Variants in TMCC1 observed in about 807,000 individuals in gnomAD.
The protein encoded by TMCC1 is transmembrane and coiled-coil domains protein 1.
A neutral mutation model predicts 52.4 loss-of-function variants in TMCC1; 15 were observed. That is an observed-to-expected ratio of 0.29 (90% confidence interval 0.19 to 0.44). The LOEUF is 0.44. Among genes scored for constraint, TMCC1 ranks in the 20% least tolerant of loss-of-function variants. The pLI is 1.00. For synonymous variants in TMCC1, 279 were observed against 301.9 expected, an observed-to-expected ratio of 0.92 and a Z score of 0.79; for missense variants, 503 against 806.0, an observed-to-expected ratio of 0.62 and a Z score of 4.55.
At chr3:129,763,803 G>A (rs910419519) in intron 4 of TMCC1, among the ~76,000 whole-genome samples, 1 of 150,932 alleles carries the variant, frequency 6.6e-6, no homozygotes, top group Admixed American at 6.6e-5. Flanking sequence ...TCCAGCCTGG[G>A]AGACAGAGTG....
chr3:129,786,279 C>CA (rs144486685), intron 4 of TMCC1, among the ~76,000 whole-genome samples: 1,860 of 152,232 alleles, frequency 0.012, 28 homozygotes, highest in African/African-American at 0.043. Flanking sequence ...CTAAACATGG[C>CA]ATGCCTTTCC....
chr3:129,664,484 C>T (rs2087293445), intron 5 of TMCC1, among the ~76,000 whole-genome samples: 1 of 152,146 alleles, frequency 6.6e-6, no homozygotes, highest in Admixed American at 6.6e-5. Context: ...TATTTTTGCT[C>T]TTATGACTCA....
rs146693269 is a variant in TMCC1, at chr3:129,652,153, T to C, written c.1648-358A>G. Among the ~76,000 whole-genome samples the C allele has an allele frequency of 2.4e-3, 369 of 152,370 alleles. 3 individuals are homozygous for C. Among genetic ancestry groups the C allele is most frequent in the African/African-American group, 8.2e-3 (340 of 41,598 alleles). On this transcript the variant is annotated intron_variant, in intron 6 of 6. Coordinates refer to ENST00000393238, the MANE Select transcript of TMCC1 (RefSeq NM_001017395.5). ...TTTGTTCAACATAAAAAATTTCAAATAGGATAGTCTCTCTTGACATTTCCT... is the reference window on the plus strand; with the variant it reads ...TTTGTTCAACATAAAAAATTTCAAACAGGATAGTCTCTCTTGACATTTCCT...
At chr3:129,721,930 T>C (rs1301637576) in intron 4 of TMCC1, among the ~76,000 whole-genome samples, 2 of 152,202 alleles carry the variant, frequency 1.3e-5, no homozygotes, top group East Asian at 1.9e-4. Flanking sequence ...AAGGAGGTCA[T>C]ATATGAAACC....
intron 5 of TMCC1, among the ~76,000 whole-genome samples, chr3:129,665,419 T>C (rs2087371945): frequency 6.6e-6 from 1 of 152,194 alleles, no homozygotes; most frequent in Non-Finnish European, 1.5e-5. Flanking sequence ...GCGAAGGACA[T>C]TATTGAGAAG....
chr3:129,745,832 C>T (rs1442792665), intron 4 of TMCC1, among the ~76,000 whole-genome samples: 2 of 151,832 alleles, frequency 1.3e-5, no homozygotes, highest in Non-Finnish European at 2.9e-5. Flanking sequence ...AGTGTGGTGG[C>T]ACCTGCATAT....
chr3:129,792,379 G>C (rs1193648922), intron 4 of TMCC1, among the ~76,000 whole-genome samples: 1 of 151,630 alleles, frequency 6.6e-6, no homozygotes, highest in African/African-American at 2.4e-5. Context: ...ACGGAGTCTC[G>C]CTCTGTCACC....
chr3:129,737,801 C>G (rs1560301179), intron 4 of TMCC1, among the ~76,000 whole-genome samples: 1 of 152,098 alleles, frequency 6.6e-6, no homozygotes, highest in Admixed American at 6.6e-5. Flanking sequence ...ACTAAATTTA[C>G]CATAATTTCT....
chr3:129,690,336 A>T (rs1357197903), intron 4 of TMCC1, among the ~76,000 whole-genome samples: 1 of 152,086 alleles, frequency 6.6e-6, no homozygotes, highest in African/African-American at 2.4e-5. Flanking sequence ...TCTAAAATAA[A>T]ATCTAGTAAG....
At chr3:129,892,224 ACT>A (rs1355603982) in intron 1 of TMCC1, among the ~76,000 whole-genome samples, 1 of 152,102 alleles carries the variant, frequency 6.6e-6, no homozygotes, top group Non-Finnish European at 1.5e-5. Context: ...GCAGCTCAAA[ACT>A]CTTCAGAAAT....
chr3:129,874,080 T>C (rs2061066308), intron 2 of TMCC1, among the ~76,000 whole-genome samples: 2 of 151,766 alleles, frequency 1.3e-5, no homozygotes, highest in Admixed American at 6.6e-5. Context: ...CAAAAAGAGG[T>C]AAAAATGGTT....
At chr3:129,825,127 C>T (rs557860856) in intron 4 of TMCC1, among the ~76,000 whole-genome samples, 3 of 152,352 alleles carry the variant, frequency 2.0e-5, no homozygotes, top group East Asian at 3.9e-4. Context: ...TCACCTAGGG[C>T]ACCACCTGGT....
intron 4 of TMCC1, among the ~76,000 whole-genome samples, chr3:129,781,874 G>C (rs1466934290): frequency 6.6e-6 from 1 of 152,128 alleles, no homozygotes; most frequent in Admixed American, 6.5e-5. Flanking sequence ...AAAAAAGATG[G>C]TAGCAGAGAT....
At chr3:129,816,207 A>G (rs1191636866) in intron 4 of TMCC1, among the ~76,000 whole-genome samples, 1 of 152,190 alleles carries the variant, frequency 6.6e-6, no homozygotes, top group East Asian at 1.9e-4. Flanking sequence ...GAACTACCAT[A>G]TGACCCAGGA....
At chr3:129,832,588 T>A (rs2058969713) in intron 3 of TMCC1, among the ~76,000 whole-genome samples, 186 bp downstream of exon 3, 1 of 152,268 alleles carries the variant, frequency 6.6e-6, no homozygotes, top group South Asian at 2.1e-4. Flanking sequence ...TTTTAAAATC[T>A]ATCAACCATT....
At chr3:129,839,824 A>T (rs1577047181) in intron 2 of TMCC1, among the ~76,000 whole-genome samples, 1 of 152,064 alleles carries the variant, frequency 6.6e-6, no homozygotes, top group East Asian at 1.9e-4. Flanking sequence ...GGTCCAGGCT[A>T]CAGTGAACCA....
intron 1 of TMCC1, among the ~76,000 whole-genome samples, chr3:129,885,037 G>C (rs898096602): frequency 6.6e-6 from 1 of 152,028 alleles, no homozygotes; most frequent in Non-Finnish European, 1.5e-5. Flanking sequence ...TACTCGGGGA[G>C]CTGAGGCAGG....
At chr3:129,806,816 C>A (rs2057492212) in intron 4 of TMCC1, among the ~76,000 whole-genome samples, 1 of 151,528 alleles carries the variant, frequency 6.6e-6, no homozygotes, top group African/African-American at 2.4e-5. Context: ...AAACATAATA[C>A]CAGAAATAAA....
intron 2 of TMCC1, among the ~76,000 whole-genome samples, chr3:129,861,431 T>C (rs2060392338): frequency 6.6e-6 from 1 of 152,102 alleles, no homozygotes; most frequent in South Asian, 2.1e-4. Flanking sequence ...AGAGCAAGAC[T>C]CCATCTCAAA....
Sources: gnomAD v4.1 joint callset for allele counts (sites outside exome capture counted in the v4.1 genomes callset) on GRCh38, gnomAD v4.1.1 for gene constraint, MANE v1.5 for transcripts, NCBI Gene and HGNC (gene_info 2026-07-23, HGNC 2026-07-21) for gene names.